Variants in CDKAL1 observed in about 807,000 individuals in gnomAD.
The protein encoded by CDKAL1 is threonylcarbamoyladenosine tRNA methylthiotransferase.
A neutral mutation model predicts 68.2 loss-of-function variants in CDKAL1; 32 were observed. The ratio of observed to expected loss-of-function variants is 0.47; its 90% CI spans 0.35 to 0.63. CDKAL1 has a LOEUF of 0.63. Among genes scored for constraint, CDKAL1 ranks in the 30% least tolerant of loss-of-function variants. The probability of loss-of-function intolerance (pLI) is 0.00; values close to 1 mark genes in which losing one functional copy is unlikely to be tolerated. For missense variants in CDKAL1, 606 were observed against 696.7 expected (o/e 0.87, Z 1.47); for synonymous variants, 234 against 244.3 (o/e 0.96, Z 0.39).
In CDKAL1 at chr6:20,600,787, TAC is replaced by T. The variant is rs1258008059; in HGVS notation, c.287-48494_287-48493del. On this transcript the variant is annotated intron_variant, in intron 4 of 15. Coordinates refer to ENST00000274695, the MANE Select transcript of CDKAL1 (RefSeq NM_017774.3). ...ATATGTATACATATATATATATATA[TAC>T]ACACACACACATGAATGATAAATTA... is the stretch of plus-strand genomic sequence containing the variant. Among the ~76,000 whole-genome samples the T allele has an allele frequency of 4.9e-3, 722 of 146,416 alleles. 12 individuals are homozygous for T. Among genetic ancestry groups the T allele is most frequent in the African/African-American group, 0.014 (554 of 39,730 alleles).
intron 2 of CDKAL1, 44 bp downstream of exon 2, chr6:20,535,438 A>T (rs141845346): frequency 1.3e-5 from 2 of 152,426 alleles, no homozygotes; most frequent in South Asian, 4.1e-4. Flanking sequence ...TGCTGTGCGT[A>T]TTTCTGCATG....
intron 11 of CDKAL1, among the ~76,000 whole-genome samples, chr6:21,038,347 A>G (rs1769706005): frequency 6.6e-6 from 1 of 152,184 alleles, no homozygotes; most frequent in African/African-American, 2.4e-5. Context: ...CTGAACTGCA[A>G]TGTGTGGGAT....
chr6:20,922,613 A>G (rs1763007897), intron 9 of CDKAL1, among the ~76,000 whole-genome samples: 1 of 152,210 alleles, frequency 6.6e-6, no homozygotes, highest in Non-Finnish European at 1.5e-5. Flanking sequence ...ATGCATTGCA[A>G]TCATTATTAA....
Position 20,781,203 on chromosome 6 carries a change from A to G in CDKAL1, c.576A>G (p.Ala192=), listed in dbSNP as rs771135872. ...ATAATGGAAGGCGGCTTGGGGGAGC[A>G]CGATTGGATTTGCCGAAGATTAGGA... is the stretch of plus-strand genomic sequence containing the variant. ...KKDNGRRLGG[A]RLDLPKIRKN... is the part of the protein sequence containing the mutation. The change falls in exon 8 of 16, where the codon GCA becomes GCG. Residue 192 remains alanine (A), a synonymous_variant. Transcript: ENST00000274695. 9 of 1,613,824 alleles carry G rather than the reference A, an allele frequency of 5.6e-6. No homozygotes were observed. The African/African-American group carries it at 6.7e-5, about 12-fold the overall frequency.
chr6:20,776,292 T>G (rs1775167970), intron 7 of CDKAL1, among the ~76,000 whole-genome samples: 1 of 152,248 alleles, frequency 6.6e-6, no homozygotes, highest in Admixed American at 6.5e-5. Context: ...CTTGCTCACC[T>G]CTTCATTAAC....
intron 11 of CDKAL1, among the ~76,000 whole-genome samples, chr6:21,012,048 C>T (rs1381312010): frequency 6.6e-6 from 1 of 152,180 alleles, no homozygotes; most frequent in Non-Finnish European, 1.5e-5. Context: ...ACTTTCATCT[C>T]ATGGTCAAAG....
At chr6:21,164,398 A>G (rs1777054046) in intron 13 of CDKAL1, among the ~76,000 whole-genome samples, 1 of 151,944 alleles carries the variant, frequency 6.6e-6, no homozygotes, top group Non-Finnish European at 1.5e-5. Flanking sequence ...TCTAGCCAGA[A>G]CCCAGATTTA....
intron 10 of CDKAL1, among the ~76,000 whole-genome samples, chr6:20,989,698 A>C (rs1184339107): frequency 6.6e-6 from 1 of 152,202 alleles, no homozygotes; most frequent in African/African-American, 2.4e-5. Context: ...TGTGGATTTT[A>C]AGGCTTTTTA....
At chr6:21,003,369 T>TACACACACACACAC (rs1292656062) in intron 11 of CDKAL1, among the ~76,000 whole-genome samples, 1 of 46,626 alleles carries the variant, frequency 2.1e-5, no homozygotes, top group African/African-American at 8.8e-5. Flanking sequence ...TATATATATA[T>TACACACACACACAC]ATACACACAC....
At chr6:20,714,011 T>C (rs1235026963) in intron 5 of CDKAL1, among the ~76,000 whole-genome samples, 1 of 152,260 alleles carries the variant, frequency 6.6e-6, no homozygotes, top group African/African-American at 2.4e-5. Context: ...AAATGATTTC[T>C]TATGACACTT....
chr6:20,855,642 C>A (rs1759296664), intron 9 of CDKAL1, among the ~76,000 whole-genome samples: 1 of 152,026 alleles, frequency 6.6e-6, no homozygotes, highest in Admixed American at 6.6e-5. Flanking sequence ...GGGGTTTGTA[C>A]ACCATAGGTC....
intron 12 of CDKAL1, among the ~76,000 whole-genome samples, chr6:21,083,074 C>T (rs914437634): frequency 2.0e-4 from 30 of 151,916 alleles, no homozygotes; most frequent in East Asian, 5.8e-4. Context: ...TCATGTTGCC[C>T]GGAGTGGTCG....
rs1438178099 is a variant in CDKAL1 at position 20,993,446 on chromosome 6, A to G, written c.910-6781A>G. ...TGAGAGGGCTTTCTGTTTGATCGCTATTGGTGTGGATGTAAACGCATCTCA... is the reference window on the plus strand; with the variant it reads ...TGAGAGGGCTTTCTGTTTGATCGCTGTTGGTGTGGATGTAAACGCATCTCA... On this transcript the variant is annotated intron_variant, in intron 10 of 15. Coordinates refer to ENST00000274695, the MANE Select transcript of CDKAL1 (RefSeq NM_017774.3). 2.0e-5 allele frequency: 3 copies of G among 152,070 alleles called. No homozygotes were observed. In the East Asian group the frequency reaches 5.8e-4, roughly 29 times the overall value. 9.4% of individuals were successfully genotyped at this position (152,070 alleles called of 1,614,324 possible). A position where few individuals can be genotyped will look rare whatever the true frequency, so the allele number is the denominator to read the frequency against.
chr6:20,835,523 T>TGTC (rs1554128414), intron 8 of CDKAL1, among the ~76,000 whole-genome samples: 1 of 145,128 alleles, frequency 6.9e-6, no homozygotes, highest in African/African-American at 2.7e-5. Flanking sequence ...TGTCTTGTCT[T>TGTC]TTGTCTTGTC....
At chr6:20,804,187 T>C (rs1776475580) in intron 8 of CDKAL1, among the ~76,000 whole-genome samples, 1 of 152,230 alleles carries the variant, frequency 6.6e-6, no homozygotes, top group Non-Finnish European at 1.5e-5. Context: ...AGTCATTCAG[T>C]AAAAATGACT....
chr6:20,698,990 T>C (rs1771225343), intron 5 of CDKAL1, among the ~76,000 whole-genome samples: 2 of 152,212 alleles, frequency 1.3e-5, no homozygotes, highest in African/African-American at 4.8e-5. Context: ...GAATTTACAA[T>C]GATAAGTTTT....
intron 8 of CDKAL1, among the ~76,000 whole-genome samples, chr6:20,784,980 G>T (rs1775607413): frequency 2.0e-5 from 3 of 151,676 alleles, no homozygotes; most frequent in African/African-American, 7.3e-5. Context: ...TATATTATTT[G>T]AATTTTCCCT....
intron 9 of CDKAL1, among the ~76,000 whole-genome samples, chr6:20,905,422 A>T (rs1210636353): frequency 6.6e-6 from 1 of 152,178 alleles, no homozygotes; most frequent in African/African-American, 2.4e-5. Context: ...GAATGAGGAA[A>T]CATGAATGGA....
intron 9 of CDKAL1, among the ~76,000 whole-genome samples, chr6:20,931,976 C>T (rs1410696838): frequency 6.6e-6 from 1 of 152,142 alleles, no homozygotes; most frequent in Admixed American, 6.5e-5. Context: ...TGCGTTAGTG[C>T]CCACACAGAA....
Sources: allele counts gnomAD v4.1 joint callset (sites outside exome capture counted in the v4.1 genomes callset), GRCh38; gene constraint gnomAD v4.1.1; transcripts MANE v1.5; gene names NCBI Gene and HGNC (gene_info 2026-07-23, HGNC 2026-07-21).